The following TRAPPC9 variants were observed in gnomAD, a reference collection of about 807,000 sequenced individuals.
TRAPPC9 encodes the protein IKK2 binding protein.
Under a neutral mutation model 124.0 loss-of-function variants are expected in TRAPPC9, and 83 were observed. The ratio of observed to expected loss-of-function variants is 0.67; its 90% CI spans 0.56 to 0.80. The LOEUF (loss-of-function observed/expected upper bound fraction) is 0.80, where lower values mean the gene tolerates loss of function less well. Among genes scored for constraint, TRAPPC9 ranks in the 30% least tolerant of loss-of-function variants. TRAPPC9 has a pLI of 0.00. For synonymous variants in TRAPPC9, 638 were observed against 617.5 expected, an observed-to-expected ratio of 1.03 and a Z score of -0.49; for missense variants, 1,302 against 1,508.3, an observed-to-expected ratio of 0.86 and a Z score of 2.27.
At chr8:140,261,937 A>T (rs2064430860) in intron 15 of TRAPPC9, among the ~76,000 whole-genome samples, 1 of 152,226 alleles carries the variant, frequency 6.6e-6, no homozygotes, top group Admixed American at 6.5e-5. Flanking sequence ...CATACTAGTT[A>T]CTGTTACTTA....
intron 19 of TRAPPC9, among the ~76,000 whole-genome samples, chr8:139,978,177 T>G (rs1836616700): frequency 6.6e-6 from 1 of 152,146 alleles, no homozygotes; most frequent in Non-Finnish European, 1.5e-5. Context: ...GGCGCCCGGC[T>G]GAGGAACAAG....
At chr8:139,903,339 T>TG (rs754244778) in intron 20 of TRAPPC9, among the ~76,000 whole-genome samples, 9 of 152,140 alleles carry the variant, frequency 5.9e-5, no homozygotes, top group Non-Finnish European at 1.2e-4. Context: ...AGGAGGCGGA[T>TG]GCGCCTGGTG....
intron 5 of TRAPPC9, among the ~76,000 whole-genome samples, chr8:140,424,416 G>A (rs900948139): frequency 1.3e-5 from 2 of 151,822 alleles, no homozygotes; most frequent in African/African-American, 2.4e-5. Flanking sequence ...AAAGGTGAGA[G>A]GATTGCTTGA....
At chr8:140,320,215 A>G (rs2066556448) in intron 9 of TRAPPC9, among the ~76,000 whole-genome samples, 2 of 152,212 alleles carry the variant, frequency 1.3e-5, no homozygotes, top group Admixed American at 6.5e-5. Flanking sequence ...AATGATATTG[A>G]TCTTTCAACA....
intron 19 of TRAPPC9, among the ~76,000 whole-genome samples, chr8:139,961,128 C>T (rs1835347354): frequency 8.0e-6 from 1 of 125,012 alleles, no homozygotes; most frequent in South Asian, 2.7e-4. Flanking sequence ...AGGAGGACAG[C>T]AGGAAACCCA....
intron 7 of TRAPPC9, among the ~76,000 whole-genome samples, chr8:140,390,343 C>T (rs973918098): frequency 1.3e-5 from 2 of 152,112 alleles, no homozygotes; most frequent in African/African-American, 4.8e-5. Flanking sequence ...AATATCAACT[C>T]CCACGAAATA....
chr8:140,387,528 G>T (rs1172437811), intron 7 of TRAPPC9, among the ~76,000 whole-genome samples: 2 of 151,918 alleles, frequency 1.3e-5, no homozygotes, highest in African/African-American at 4.8e-5. Flanking sequence ...AAATTTACAA[G>T]AAAAAAACAA....
intron 21 of TRAPPC9, among the ~76,000 whole-genome samples, chr8:139,738,793 G>T (rs1473340726): frequency 1.3e-5 from 2 of 152,208 alleles, no homozygotes; most frequent in Non-Finnish European, 2.9e-5. Flanking sequence ...CCACTTCCCA[G>T]GCCACTAGGG....
At chr8:139,950,193 T>C (rs913990594) in intron 19 of TRAPPC9, among the ~76,000 whole-genome samples, 5 of 152,218 alleles carry the variant, frequency 3.3e-5, no homozygotes, top group African/African-American at 1.2e-4. Flanking sequence ...ACAGTCCAGG[T>C]TCTGCTTAGT....
At chr8:140,183,821 C>T (rs1451925290) in intron 17 of TRAPPC9, among the ~76,000 whole-genome samples, 1 of 147,004 alleles carries the variant, frequency 6.8e-6, no homozygotes. Context: ...ACTCACTGCA[C>T]ACCAGCCTGA....
rs187866129 is a variant in TRAPPC9 at position 140,242,935 on chromosome 8, G to A, written c.2431+9842C>T. On this transcript the variant is annotated intron_variant, in intron 16 of 22. Coordinates refer to ENST00000438773, the MANE Select transcript of TRAPPC9 (RefSeq NM_001160372.4). The stretch of plus-strand genomic sequence containing the variant: ...TGATTTCAATGGCGGAAAAGTACAA[G>A]AAGGATGAAAAAGTGAAGGGGAAAG... Among the ~76,000 whole-genome samples the A allele has an allele frequency of 2.3e-4, 35 of 152,276 alleles. 1 individual carries two copies. In the South Asian group the frequency reaches 3.1e-3, roughly 14 times the overall value.
At chr8:140,311,140 A>G in intron 10 of TRAPPC9, 108 bp downstream of exon 10, 1 of 1,388,380 alleles carries the variant, frequency 7.2e-7, no homozygotes. Context: ...AACCCGATAC[A>G]CAGCCAACAA....
chr8:140,174,670 G>A (rs1286533988), intron 17 of TRAPPC9, among the ~76,000 whole-genome samples: 9 of 152,220 alleles, frequency 5.9e-5, no homozygotes, highest in South Asian at 2.1e-4. Flanking sequence ...GTCATATGAC[G>A]TGTGGCCTTT....
At chr8:140,075,585 T>C (rs566608836) in intron 17 of TRAPPC9, among the ~76,000 whole-genome samples, 22 of 152,360 alleles carry the variant, frequency 1.4e-4, no homozygotes, top group African/African-American at 5.1e-4. Context: ...GCCAGTGTCA[T>C]CACTGCCACC....
At chr8:140,079,266 T>C (rs1042364024) in intron 17 of TRAPPC9, among the ~76,000 whole-genome samples, 25 of 152,202 alleles carry the variant, frequency 1.6e-4, no homozygotes, top group Non-Finnish European at 2.9e-5. Flanking sequence ...ATGTCTTTAT[T>C]AGCAGAGTGA....
rs116736696 is a variant in TRAPPC9, at chr8:140,219,734, G to A, written c.2556+1725C>T. On this transcript the variant is annotated intron_variant, in intron 17 of 22. Coordinates refer to ENST00000438773, the MANE Select transcript of TRAPPC9 (RefSeq NM_001160372.4). Reference sequence around the variant, plus strand: ...TCATGGGTCTGCTACTATACACGGGGCAAACGAGCCTGTTGGTCCCACAAC... The same window carrying A: ...TCATGGGTCTGCTACTATACACGGGACAAACGAGCCTGTTGGTCCCACAAC... Among the ~76,000 whole-genome samples, 598 of 152,254 alleles carry A rather than the reference G, an allele frequency of 3.9e-3. 5 individuals carry two copies. The highest frequency in any genetic ancestry group is 0.014 in the African/African-American group (562 of 41,546).
intron 5 of TRAPPC9, among the ~76,000 whole-genome samples, chr8:140,418,001 A>G (rs1337168923): frequency 6.6e-6 from 1 of 152,208 alleles, no homozygotes; most frequent in Non-Finnish European, 1.5e-5. Flanking sequence ...CATAAGTGGG[A>G]GCTGAACAAT....
chr8:140,435,156 T>C lies in TRAPPC9; in HGVS notation c.815A>G (p.Gln272Arg), dbSNP rs1359571572. 2.5e-6 allele frequency: 4 copies of C among 1,614,088 alleles called. No individual in the cohort carries two copies. Among genetic ancestry groups the C allele is most frequent in the Non-Finnish European group, 3.4e-6 (4 of 1,180,050 alleles). The change falls in exon 4 of 23, where the codon CAG (glutamine) becomes CGG (arginine). Residue 272 changes from glutamine (Q) to arginine (R), a missense_variant. Around this residue, in one of 3 missense-constraint regions of TRAPPC9, gnomAD observed 657 missense variants for 811.2 expected, o/e 0.81. Coordinates refer to ENST00000438773, the MANE Select transcript of TRAPPC9 (RefSeq NM_001160372.4). Reference sequence around the variant, plus strand: ...TGCTTCAGCAGGAAGGGTGCTGCCCTGGAACCTCCGAGCTCCACTCTTCCC... The same window carrying C: ...TGCTTCAGCAGGAAGGGTGCTGCCCCGGAACCTCCGAGCTCCACTCTTCCC... The part of the protein sequence containing the change: ...TGGKSGARRF[Q>R]GSTLPAEAAN...
At chr8:140,223,290 G>A (rs1397274584) in intron 16 of TRAPPC9, among the ~76,000 whole-genome samples, 2 of 152,024 alleles carry the variant, frequency 1.3e-5, no homozygotes, top group African/African-American at 2.4e-5. Flanking sequence ...CTGCTCCTGC[G>A]TTAGTTTGCT....
Sources: gnomAD v4.1 joint callset for allele counts (sites outside exome capture counted in the v4.1 genomes callset) on GRCh38, gnomAD v4.1.1 for gene constraint, gnomAD v4.1.1 regional missense constraint, MANE v1.5 for transcripts, NCBI Gene and HGNC (gene_info 2026-07-23, HGNC 2026-07-21) for gene names.